The following MLXIP variants were observed in gnomAD, a reference collection of about 807,000 sequenced individuals.
The protein encoded by MLXIP is MLX interacting protein.
In MLXIP, 30 loss-of-function variants were observed where a neutral mutation model predicts 87.2. The ratio of observed to expected loss-of-function variants is 0.34; its 90% confidence interval spans 0.26 to 0.47. MLXIP has a LOEUF of 0.47. MLXIP is among the 20% of genes least tolerant of loss of function. MLXIP has a pLI of 1.00. For missense variants in MLXIP, 1,002 were observed against 1,240.1 expected (o/e 0.81, Z 2.88); for synonymous variants, 530 against 514.0 (o/e 1.03, Z -0.42).
chr12:122,137,660 C>G lies in MLXIP; in HGVS notation c.2154+70C>G, dbSNP rs373759373. ...AGTGCAGGACATCAAGGATCTGTGT[C>G]TTGTCTGGAACGGAGACCTCAGACC... On this transcript the variant is annotated intron_variant, in intron 12 of 16. Coordinates refer to ENST00000319080, the MANE Select transcript of MLXIP (RefSeq NM_014938.6). This position sits in a 1 kb window ranked among gnomAD's most constrained non-coding sequence, Gnocchi z 4.1. 3.0e-5 allele frequency: 48 copies of G among 1,584,136 alleles called. No homozygotes were observed. In the African/African-American group the frequency reaches 5.9e-4, roughly 20 times the overall value.
intron 1 of MLXIP, among the ~76,000 whole-genome samples, chr12:122,125,979 C>T (rs1267693904): frequency 2.0e-5 from 3 of 152,226 alleles, no homozygotes; most frequent in Non-Finnish European, 4.4e-5. Context: ...TGGCAAATCT[C>T]GGCTTGCCAC....
intron 1 of MLXIP, among the ~76,000 whole-genome samples, chr12:122,109,316 G>A (rs1242139768): frequency 7.9e-5 from 12 of 152,028 alleles, no homozygotes; most frequent in East Asian, 3.9e-4. Flanking sequence ...TGATCCGCCC[G>A]CCTTGGCCTC....
intron 15 of MLXIP, among the ~76,000 whole-genome samples, chr12:122,140,390 G>T (rs961563801): frequency 6.6e-6 from 1 of 151,974 alleles, no homozygotes; most frequent in East Asian, 1.9e-4. Context: ...TCCGCCTCCC[G>T]GGTTCAAGCG....
At chr12:122,093,166 A>G in intron 1 of MLXIP, among the ~76,000 whole-genome samples, 1 of 116,630 alleles carries the variant, frequency 8.6e-6, no homozygotes, top group Non-Finnish European at 1.8e-5. Context: ...TAGGGTATGT[A>G]GTGTGTGTAG....
chr12:122,131,870 C>T (rs1301172367), intron 7 of MLXIP, among the ~76,000 whole-genome samples: 1 of 149,952 alleles, frequency 6.7e-6, no homozygotes, highest in Admixed American at 6.7e-5. Context: ...GTAGTTGGGA[C>T]CACTGGTGGC....
chr12:122,087,867 C>G (rs1240920799), intron 1 of MLXIP, among the ~76,000 whole-genome samples: 2 of 152,142 alleles, frequency 1.3e-5, no homozygotes, highest in East Asian at 3.9e-4. Context: ...GGTTTTTGGA[C>G]TTGCTGGTGA....
intron 4 of MLXIP, 27 bp from the exon 5 acceptor site, chr12:122,129,561 C>T (rs554529662): frequency 2.4e-5 from 39 of 1,612,298 alleles, no homozygotes; most frequent in African/African-American, 1.3e-4. Flanking sequence ...CATTGGTGAC[C>T]GCCGTGTCCT....
At chr12:122,106,959 C>T (rs1593079367) in intron 1 of MLXIP, among the ~76,000 whole-genome samples, 1 of 152,138 alleles carries the variant, frequency 6.6e-6, no homozygotes, top group East Asian at 1.9e-4. Context: ...GCAGCATCAG[C>T]TGCACCAGCT....
intron 1 of MLXIP, among the ~76,000 whole-genome samples, chr12:122,092,385 C>T (rs1952259386): frequency 6.6e-6 from 1 of 152,172 alleles, no homozygotes; most frequent in South Asian, 2.1e-4. Flanking sequence ...AGGTGTGAAC[C>T]ACTGAGCCCA....
intron 12 of MLXIP, 74 bp from the exon 13 acceptor site, chr12:122,138,120 G>A: frequency 3.7e-6 from 5 of 1,350,776 alleles, no homozygotes; most frequent in Non-Finnish European, 5.1e-6. Flanking sequence ...CCCAGGATCA[G>A]CGTAGGGGGT....
At position 122,135,411 on chromosome 12, in the gene MLXIP, C is replaced by A; in HGVS notation, c.1854+66C>A. On this transcript the variant is annotated intron_variant, in intron 10 of 16. Transcript: ENST00000319080. The surrounding 1 kb of genome is among the most constrained non-coding windows in gnomAD (Gnocchi z 5.3). The stretch of plus-strand genomic sequence containing the variant: ...CCCGGAGCACTCTGATCTTGGGCGG[C>A]CCTCACCTGAGACGACTGGTGTGCC... 6.2e-7 allele frequency: 1 copy of A among 1,600,424 alleles called. No individual in the cohort carries two copies.
intron 1 of MLXIP, among the ~76,000 whole-genome samples, chr12:122,080,018 A>G (rs537833443): frequency 4.6e-5 from 7 of 152,248 alleles, no homozygotes; most frequent in Non-Finnish European, 1.0e-4. Context: ...TTGAGGGCAG[A>G]CATCCCAGAC....
intron 1 of MLXIP, among the ~76,000 whole-genome samples, chr12:122,125,425 G>C (rs1158210241): frequency 6.6e-6 from 1 of 152,192 alleles, no homozygotes; most frequent in Non-Finnish European, 1.5e-5. Context: ...GGGTTTACCA[G>C]TTGTGTGTGT....
Position 122,138,867 on chromosome 12 carries a change from T to A in MLXIP, c.2437T>A (p.Phe813Ile). 6.2e-7 allele frequency: 1 copy of A among 1,614,034 alleles called. No individual in the cohort carries two copies. The highest frequency in any genetic ancestry group is 8.5e-7 in the Non-Finnish European group (1 of 1,179,896). ...GGGAGTCCCCGTTACCCGGCGCCAG[T>A]TTGATCACATGAAAGACATGTTTGA... ...ATGVPVTRRQFDHMKDMFDEY... is the reference protein window; with the variant it reads ...ATGVPVTRRQIDHMKDMFDEY... Residue 813 changes from phenylalanine to isoleucine, a missense_variant, in exon 15 of 17, where the codon TTT becomes ATT. Physicochemically the swap from Phe to Ile is conservative, Grantham distance 21. Transcript: ENST00000319080.
At chr12:122,113,724 G>A (rs1203201162) in intron 1 of MLXIP, among the ~76,000 whole-genome samples, 3 of 114,692 alleles carry the variant, frequency 2.6e-5, no homozygotes, top group African/African-American at 1.0e-4. Flanking sequence ...TCGCTCTGTC[G>A]CCCAGGCTGG....
At chr12:122,129,503 C>T (rs1476710003) in intron 4 of MLXIP, 85 bp from the exon 5 acceptor site, 1 of 1,503,190 alleles carries the variant, frequency 6.7e-7, no homozygotes, top group African/African-American at 1.4e-5. Flanking sequence ...CCCTACCTGC[C>T]TCCCTGAGAG....
rs140383409 is a variant in MLXIP at position 122,119,753 on chromosome 12, C to T, written c.414-7503C>T. Among the ~76,000 whole-genome samples, 286 of 152,324 alleles carry T rather than the reference C, an allele frequency of 1.9e-3. 3 individuals carry two copies. Among genetic ancestry groups the T allele is most frequent in the Admixed American group, 0.017 (256 of 15,294 alleles). On this transcript the variant is annotated intron_variant, in intron 1 of 16. Transcript: ENST00000319080. ...TAGGTTATTTCCAACCTTTTGCTGC[C>T]GCAAACAGTGCTGCAGTTTAATGTC...
At chr12:122,086,946 C>T (rs1181927671) in intron 1 of MLXIP, among the ~76,000 whole-genome samples, 2 of 152,184 alleles carry the variant, frequency 1.3e-5, no homozygotes, top group Admixed American at 6.5e-5. Flanking sequence ...CACCCACCAC[C>T]CTGTTTCTTT....
At chr12:122,120,078 A>C (rs989427330) in intron 1 of MLXIP, among the ~76,000 whole-genome samples, 2 of 152,220 alleles carry the variant, frequency 1.3e-5, no homozygotes, top group Admixed American at 6.5e-5. Context: ...CTGATGATGG[A>C]TAAACAGAAT....
Sources: allele counts gnomAD v4.1 joint callset (sites outside exome capture counted in the v4.1 genomes callset), GRCh38; gene constraint gnomAD v4.1.1; non-coding constraint Gnocchi (gnomAD v3.1); transcripts MANE v1.5; gene names NCBI Gene and HGNC (gene_info 2026-07-23, HGNC 2026-07-21).